Variants in ADGRG6 observed in about 807,000 individuals in gnomAD.
ADGRG6 encodes the protein G-protein coupled receptor 126.
A neutral mutation model predicts 142.4 loss-of-function variants in ADGRG6; 84 were observed. That is an observed-to-expected ratio of 0.59 (90% CI 0.49 to 0.71). The LOEUF (loss-of-function observed/expected upper bound fraction) is 0.71, where lower values mean the gene tolerates loss of function less well. Ranked by LOEUF, ADGRG6 falls within the 30% of genes least tolerant of loss-of-function variation. The pLI, the probability that ADGRG6 is intolerant of heterozygous loss-of-function variation, is 0.00. For synonymous variants in ADGRG6, 521 were observed against 520.5 expected (o/e 1.00, Z -0.01); for missense variants, 1,367 against 1,466.6 (o/e 0.93, Z 1.11).
At chr6:142,339,455 C>A (rs779753800) in intron 2 of ADGRG6, among the ~76,000 whole-genome samples, 1 of 152,180 alleles carries the variant, frequency 6.6e-6, no homozygotes, top group African/African-American at 2.4e-5. Flanking sequence ...AAAATTTGAA[C>A]CCTCCTTCCC....
chr6:142,416,917 C>T (rs143659436), intron 20 of ADGRG6, among the ~76,000 whole-genome samples: 1 of 152,274 alleles, frequency 6.6e-6, no homozygotes, highest in African/African-American at 2.4e-5. Context: ...TCTGCCTAAA[C>T]TCTGCCAGTC....
At chr6:142,303,326 C>A (rs953972892) in intron 1 of ADGRG6, among the ~76,000 whole-genome samples, 5 of 152,118 alleles carry the variant, frequency 3.3e-5, no homozygotes, top group African/African-American at 1.2e-4. Flanking sequence ...GAAAGACCTG[C>A]CCCCTAGGTC....
intron 9 of ADGRG6, among the ~76,000 whole-genome samples, chr6:142,395,921 A>G (rs940145385): frequency 1.3e-5 from 2 of 152,224 alleles, no homozygotes; most frequent in Non-Finnish European, 2.9e-5. Context: ...GCCTAGACAG[A>G]CAGGAAACCA....
At chr6:142,440,969 T>A (rs1350610828) in intron 24 of ADGRG6, 6 of 1,418,212 alleles carry the variant, frequency 4.2e-6, no homozygotes, top group Non-Finnish European at 5.7e-6. Context: ...CTTTCGTTAC[T>A]TTTTTGAATG....
chr6:142,416,376 T>C (rs1252979926), intron 20 of ADGRG6, among the ~76,000 whole-genome samples: 1 of 152,140 alleles, frequency 6.6e-6, no homozygotes, highest in Non-Finnish European at 1.5e-5. Flanking sequence ...GGCAGTGATG[T>C]CTTTTCCATG....
At chr6:142,333,207 T>C (rs1027178109) in intron 2 of ADGRG6, among the ~76,000 whole-genome samples, 1 of 152,184 alleles carries the variant, frequency 6.6e-6, no homozygotes, top group African/African-American at 2.4e-5. Context: ...GTGACTCAGT[T>C]TGATTTGTCA....
chr6:142,380,719 C>T (rs570264533), intron 4 of ADGRG6, among the ~76,000 whole-genome samples: 4 of 152,240 alleles, frequency 2.6e-5, no homozygotes, highest in South Asian at 2.1e-4. Context: ...ATTTTCTGTT[C>T]GCTTTTCTTA....
At chr6:142,302,473 C>T in intron 1 of ADGRG6, 142 bp downstream of exon 1, 2 of 826,016 alleles carry the variant, frequency 2.4e-6, no homozygotes, top group Non-Finnish European at 1.9e-6. Flanking sequence ...ACCGGTTTGT[C>T]TTCAGTTTGC....
At chr6:142,353,234 ATTTATTTTATTTAAAATAAAT>A (rs1421415895) in intron 2 of ADGRG6, among the ~76,000 whole-genome samples, 2 of 152,182 alleles carry the variant, frequency 1.3e-5, no homozygotes, top group Non-Finnish European at 2.9e-5. Flanking sequence ...CACCCAACCT[ATTTATTTTATTTAAAATAAAT>A]TTTATTTTAC....
intron 4 of ADGRG6, among the ~76,000 whole-genome samples, chr6:142,372,984 C>CTA (rs1781326387): frequency 6.6e-6 from 1 of 152,166 alleles, no homozygotes; most frequent in Non-Finnish European, 1.5e-5. Context: ...TTAAATTGAA[C>CTA]ACACATTTTG....
At chr6:142,395,901 A>G (rs1201321435) in intron 9 of ADGRG6, among the ~76,000 whole-genome samples, 1 of 152,182 alleles carries the variant, frequency 6.6e-6, no homozygotes, top group Non-Finnish European at 1.5e-5. Context: ...TAATGCTGTC[A>G]TACTCTATTG....
intron 9 of ADGRG6, 75 bp from the exon 10 acceptor site, chr6:142,397,538 A>T: frequency 7.2e-7 from 1 of 1,392,732 alleles, no homozygotes; most frequent in Non-Finnish European, 1.0e-6. Context: ...CTACATCCAA[A>T]TACTCTGTTT....
At chr6:142,343,452 TA>T (rs929555359) in intron 2 of ADGRG6, among the ~76,000 whole-genome samples, 22 of 151,732 alleles carry the variant, frequency 1.4e-4, no homozygotes, top group African/African-American at 4.8e-4. Flanking sequence ...CTTACTCTTT[TA>T]AAAAAACATG....
At chr6:142,426,517 C>T (rs1776955893) in intron 22 of ADGRG6, among the ~76,000 whole-genome samples, 1 of 152,206 alleles carries the variant, frequency 6.6e-6, no homozygotes, top group Admixed American at 6.5e-5. Context: ...GCTGCTTTCA[C>T]AGGCTGACAT....
chr6:142,309,439 AG>A (rs1777651616), intron 1 of ADGRG6, 104 bp from the exon 2 acceptor site: 2 of 632,774 alleles, frequency 3.2e-6, no homozygotes, highest in African/African-American at 3.8e-5. Flanking sequence ...AGGATGAAAA[AG>A]GTTTATTTTC....
At chr6:142,431,098 T>G (rs964647512) in intron 22 of ADGRG6, among the ~76,000 whole-genome samples, 8 of 152,174 alleles carry the variant, frequency 5.3e-5, no homozygotes, top group African/African-American at 1.9e-4. Context: ...ATTACAGTTT[T>G]TTTTTTTTAA....
At chr6:142,392,885 A>G in intron 7 of ADGRG6, 63 bp from the exon 8 acceptor site, 1 of 1,079,148 alleles carries the variant, frequency 9.3e-7, no homozygotes, top group South Asian at 1.3e-5. Flanking sequence ...TTAGGTAGAA[A>G]CTTGAATTAG....
chr6:142,419,765 G>T, intron 21 of ADGRG6, 56 bp from the exon 22 acceptor site: 1 of 1,382,006 alleles, frequency 7.2e-7, no homozygotes, highest in South Asian at 1.4e-5. Flanking sequence ...AAAAGTCTTA[G>T]GTAAACAGGA....
Position 142,411,651 on chromosome 6 carries a change from G to T in ADGRG6, c.2541+240G>T, listed in dbSNP as rs146345281. Among the ~76,000 whole-genome samples, 1,143 of 152,068 alleles carry T rather than the reference G, an allele frequency of 7.5e-3. 12 individuals carry two copies. Among genetic ancestry groups the T allele is most frequent in the African/African-American group, 0.026 (1,091 of 41,468 alleles). On this transcript the variant is annotated intron_variant, in intron 18 of 24. Coordinates refer to ENST00000367609, the MANE Select transcript of ADGRG6 (RefSeq NM_198569.3). ...TTTTTCCTGTAGCATTAACAGTGAT[G>T]ATAAATAATCCCAGAAACAAGAAAA...
Sources: allele counts gnomAD v4.1 joint callset (sites outside exome capture counted in the v4.1 genomes callset), GRCh38; gene constraint gnomAD v4.1.1; transcripts MANE v1.5; gene names NCBI Gene and HGNC (gene_info 2026-07-23, HGNC 2026-07-21).